The following DCLK1 variants were observed in gnomAD, a reference collection of about 807,000 sequenced individuals.
The protein encoded by DCLK1 is doublecortin like kinase 1.
In DCLK1, 16 loss-of-function variants were observed where a neutral mutation model predicts 86.2. The ratio of observed to expected loss-of-function variants is 0.19; its 90% CI spans 0.13 to 0.28. The LOEUF (loss-of-function observed/expected upper bound fraction) is 0.28. Ranked by LOEUF, DCLK1 falls within the 10% of genes least tolerant of loss-of-function variation. The probability of loss-of-function intolerance (pLI) is 1.00; values close to 1 mark genes in which losing one functional copy is unlikely to be tolerated. For missense variants in DCLK1, 590 were observed against 940.2 expected (o/e 0.63, Z 4.87); for synonymous variants, 369 against 370.5 (o/e 1.00, Z 0.05).
chr13:35,795,958 A>G (rs963675477), intron 15 of DCLK1, among the ~76,000 whole-genome samples: 1 of 151,844 alleles, frequency 6.6e-6, no homozygotes, highest in African/African-American at 2.4e-5. Flanking sequence ...ACAACAAAAA[A>G]CCAACAACAA....
intron 3 of DCLK1, among the ~76,000 whole-genome samples, chr13:36,034,082 T>C (rs927048914): frequency 1.3e-5 from 2 of 152,194 alleles, no homozygotes; most frequent in African/African-American, 4.8e-5. Flanking sequence ...TGTCCAGGCC[T>C]GGCCAGTAGC....
chr13:36,059,293 C>A (rs79758891), intron 3 of DCLK1, among the ~76,000 whole-genome samples: 1 of 152,322 alleles, frequency 6.6e-6, no homozygotes, highest in Non-Finnish European at 1.5e-5. Flanking sequence ...TACAGTACTG[C>A]TCCACTTTCT....
chr13:36,081,416 C>T (rs1884414885), intron 3 of DCLK1, among the ~76,000 whole-genome samples: 1 of 151,894 alleles, frequency 6.6e-6, no homozygotes, highest in Non-Finnish European at 1.5e-5. Flanking sequence ...AATTCAAAGT[C>T]ACATATATAA....
intron 3 of DCLK1, among the ~76,000 whole-genome samples, chr13:36,012,459 A>C (rs1192097206): frequency 6.7e-6 from 1 of 149,406 alleles, no homozygotes; most frequent in African/African-American, 2.5e-5. Flanking sequence ...CTTGTCTGTA[A>C]AGTATTTTAT....
intron 3 of DCLK1, among the ~76,000 whole-genome samples, chr13:36,047,151 T>C (rs1003128355): frequency 6.6e-6 from 1 of 152,180 alleles, no homozygotes; most frequent in African/African-American, 2.4e-5. Flanking sequence ...CCTGATAGAA[T>C]GGCTACTATC....
At chr13:36,051,588 C>A (rs1477544150) in intron 3 of DCLK1, among the ~76,000 whole-genome samples, 1 of 152,112 alleles carries the variant, frequency 6.6e-6, no homozygotes, top group Admixed American at 6.6e-5. Flanking sequence ...ATAACCATGA[C>A]AATTTTTTTG....
rs942479310 is a variant in DCLK1 at position 35,769,932 on chromosome 13, T to A, written c.*4603A>T. 5.3e-5 allele frequency: 8 copies of A among 152,152 alleles called. No homozygotes were observed. The highest frequency in any genetic ancestry group is 8.8e-5 in the Non-Finnish European group (6 of 68,022). 9.4% of individuals were successfully genotyped at this position (152,152 alleles called of 1,614,324 possible). On this transcript the variant is annotated 3_prime_UTR_variant, in exon 17 of 17. Transcript: ENST00000360631. ...TGGTAAACCTCATGATCAAAACACA[T>A]GCCAGTTAGAAACTTGATCACAGAA...
intron 3 of DCLK1, among the ~76,000 whole-genome samples, chr13:36,086,648 G>A (rs1884616265): frequency 6.6e-6 from 1 of 151,988 alleles, no homozygotes. Flanking sequence ...AGGCCCTGGT[G>A]TGTGATGTTC....
chr13:36,119,785 T>C (rs1455632883), intron 2 of DCLK1, among the ~76,000 whole-genome samples: 2 of 152,112 alleles, frequency 1.3e-5, no homozygotes, highest in African/African-American at 2.4e-5. Flanking sequence ...AACAACTAAA[T>C]GCAATGTGTG....
intron 11 of DCLK1, 130 bp from the exon 12 acceptor site, chr13:35,811,098 G>A (rs1399285588): frequency 6.3e-6 from 7 of 1,115,510 alleles, no homozygotes; most frequent in Non-Finnish European, 9.0e-6. Flanking sequence ...AATTATGCAA[G>A]AATGGATATA....
At position 35,804,724 on chromosome 13, in the gene DCLK1, C is replaced by A. The variant is rs1300003250; in HGVS notation, c.1944+975G>T. Among the ~76,000 whole-genome samples, 4 of 152,178 alleles carry A rather than the reference C, an allele frequency of 2.6e-5. No homozygotes were observed. The East Asian group carries it at 7.7e-4, about 29-fold the overall frequency. ...CTGGGATTACAGGCGTGAGGCACTG[C>A]GCCCAGCCAACTATGAGTATTATTA... On this transcript the variant is annotated intron_variant, in intron 15 of 16. Transcript: ENST00000360631.
intron 7 of DCLK1, among the ~76,000 whole-genome samples, chr13:35,837,007 C>G (rs935979965): frequency 1.3e-5 from 2 of 152,180 alleles, no homozygotes; most frequent in Non-Finnish European, 2.9e-5. Context: ...AATCCCAGCT[C>G]TCCCTCAGGC....
rs1458616530 is a variant in DCLK1 at position 35,850,690 on chromosome 13, C to CA, written c.1035+3808dup. 3 of 1,535,364 alleles carry CA rather than the reference C, an allele frequency of 2.0e-6. No homozygotes were observed. The African/African-American group carries it at 4.2e-5, about 21-fold the overall frequency. On this transcript the variant is annotated intron_variant, in intron 6 of 16. Transcript: ENST00000360631. ...GAAATGTGAAACCTTCACCCAATCA[C>CA]AAACCATATACATTGCTCCATTGTT... is the stretch of plus-strand genomic sequence containing the variant.
chr13:36,126,885 GA>G (rs1886206639), intron 1 of DCLK1, among the ~76,000 whole-genome samples: 1 of 152,218 alleles, frequency 6.6e-6, no homozygotes, highest in Non-Finnish European at 1.5e-5. Flanking sequence ...CTGAGGCACA[GA>G]AAAATTTCCC....
intron 5 of DCLK1, among the ~76,000 whole-genome samples, chr13:35,857,558 T>C (rs182268505): frequency 1.3e-5 from 2 of 152,348 alleles, no homozygotes; most frequent in Non-Finnish European, 2.9e-5. Flanking sequence ...TTCAAAATAC[T>C]CTTTTCCTTT....
Position 36,071,326 on chromosome 13 carries a change from A to T in DCLK1, c.723+40543T>A, listed in dbSNP as rs533989899. 2.6e-5 allele frequency among the ~76,000 whole-genome samples: 4 copies of T among 152,292 alleles called. No homozygotes were observed. In the South Asian group the frequency reaches 8.3e-4, roughly 32 times the overall value. On this transcript the variant is annotated intron_variant, in intron 3 of 16. Transcript: ENST00000360631. Reference sequence around the variant, plus strand: ...AATACAACTTCATTTTAAATAAATAAAATTAACATTTGTGTGGCACTTTCT... The same window carrying T: ...AATACAACTTCATTTTAAATAAATATAATTAACATTTGTGTGGCACTTTCT...
At chr13:35,894,406 G>A (rs2153120218) in intron 4 of DCLK1, among the ~76,000 whole-genome samples, 1 of 152,286 alleles carries the variant, frequency 6.6e-6, no homozygotes, top group African/African-American at 2.4e-5. Context: ...GTATTCCCAG[G>A]GTGTAACTGG....
In DCLK1 at chr13:35,836,022, A is replaced by C; in HGVS notation, c.1229+11T>G. On this transcript the variant is annotated intron_variant, in intron 8 of 16. Transcript: ENST00000360631. ...ACCTTTAAGGTTTGATGCAAATGAT[A>C]TCCTTCTCACCTTTCTACACATTCC... is the stretch of plus-strand genomic sequence containing the variant. 3.2e-6 allele frequency: 5 copies of C among 1,548,750 alleles called. No homozygotes were observed. Among genetic ancestry groups the C allele is most frequent in the African/African-American group, 1.4e-5 (1 of 73,460 alleles).
intron 3 of DCLK1, among the ~76,000 whole-genome samples, chr13:36,085,145 A>T (rs1884548130): frequency 6.6e-6 from 1 of 152,194 alleles, no homozygotes; most frequent in Non-Finnish European, 1.5e-5. Context: ...AATCAAATAC[A>T]CTAATTTTTT....
Sources: allele counts gnomAD v4.1 joint callset (sites outside exome capture counted in the v4.1 genomes callset), GRCh38; gene constraint gnomAD v4.1.1; transcripts MANE v1.5; gene names NCBI Gene and HGNC (gene_info 2026-07-23, HGNC 2026-07-21).